Variants in GNG7 observed in about 807,000 individuals in gnomAD.
GNG7 encodes G protein subunit gamma 7.
A neutral mutation model predicts 4.0 loss-of-function variants in GNG7; 1 was observed. That is an observed-to-expected ratio of 0.25 (90% CI 0.09 to 1.18). The LOEUF (loss-of-function observed/expected upper bound fraction) is 1.18, where lower values mean the gene tolerates loss of function less well. Ranked by LOEUF, GNG7 falls within the 50% of genes most tolerant of loss-of-function variation. The probability of loss-of-function intolerance (pLI) is 0.50; values close to 1 mark genes in which losing one functional copy is unlikely to be tolerated. For synonymous variants in GNG7, 34 were observed against 36.9 expected (o/e 0.92, Z 0.29); for missense variants, 86 against 91.9 (o/e 0.94, Z 0.26).
chr19:2,657,360 A>T (rs1983015849), intron 1 of GNG7, among the ~76,000 whole-genome samples: 1 of 20,542 alleles, frequency 4.9e-5, no homozygotes, highest in African/African-American at 1.4e-4. Flanking sequence ...AAAAAAAAAA[A>T]AATATATATA....
At chr19:2,578,325 G>A (rs1172355272) in intron 2 of GNG7, among the ~76,000 whole-genome samples, 2 of 152,150 alleles carry the variant, frequency 1.3e-5, no homozygotes, top group Non-Finnish European at 2.9e-5. Context: ...GAGGACCGAG[G>A]GCAGCCTAGT....
intron 2 of GNG7, among the ~76,000 whole-genome samples, chr19:2,636,530 C>A (rs956956995): frequency 2.6e-5 from 4 of 152,160 alleles, no homozygotes; most frequent in African/African-American, 9.7e-5. Context: ...TTATGCCTTC[C>A]ATTCTCTGGT....
intron 2 of GNG7, among the ~76,000 whole-genome samples, chr19:2,628,844 C>T (rs1025272858): frequency 3.9e-5 from 6 of 152,128 alleles, no homozygotes; most frequent in Admixed American, 1.3e-4. Flanking sequence ...TAGGAATCTT[C>T]GTCGCATCTG....
At chr19:2,645,925 C>T (rs780186191) in intron 2 of GNG7, among the ~76,000 whole-genome samples, 5 of 152,124 alleles carry the variant, frequency 3.3e-5, no homozygotes, top group Non-Finnish European at 5.9e-5. Context: ...ACGAAGACAC[C>T]GGAAAGGCAT....
intron 3 of GNG7, chr19:2,538,258 G>A (rs757062781): frequency 6.6e-6 from 3 of 456,530 alleles, no homozygotes; most frequent in African/African-American, 2.0e-5. Flanking sequence ...AGTGGCCCAG[G>A]TCAGTCTGCT....
At chr19:2,681,690 G>C (rs116563940) in intron 1 of GNG7, among the ~76,000 whole-genome samples, 1,614 of 152,254 alleles carry the variant, frequency 0.011, 31 homozygotes, top group African/African-American at 0.037. Context: ...GAACTGCCAG[G>C]CTGTTTCCAG....
rs1972678987 is a variant in GNG7 at position 2,513,104 on chromosome 19, G to A, written c.*1918C>T. Reference sequence around the variant, plus strand: ...TGGCCTGTGGGAGCTGCCCGAGGTTGAGGAGTGGAGGTCACTCCCCCGACA... The same window carrying A: ...TGGCCTGTGGGAGCTGCCCGAGGTTAAGGAGTGGAGGTCACTCCCCCGACA... On this transcript the variant is annotated 3_prime_UTR_variant, in exon 5 of 5. Transcript: ENST00000382159. 9 of 985,584 alleles carry A rather than the reference G, an allele frequency of 9.1e-6. No individual in the cohort carries two copies. Among genetic ancestry groups the A allele is most frequent in the Non-Finnish European group, 9.6e-6 (8 of 830,060 alleles). 61.1% of individuals were successfully genotyped at this position (985,584 alleles called of 1,614,324 possible). A position where few individuals can be genotyped will look rare whatever the true frequency, so the allele number is the denominator to read the frequency against.
At chr19:2,556,379 G>A (rs1051840942) in intron 2 of GNG7, among the ~76,000 whole-genome samples, 2 of 152,186 alleles carry the variant, frequency 1.3e-5, no homozygotes, top group Non-Finnish European at 2.9e-5. Context: ...GCTCGAGGCC[G>A]GGCTGGGCCG....
intron 2 of GNG7, among the ~76,000 whole-genome samples, chr19:2,561,173 A>G (rs1979730564): frequency 6.6e-6 from 1 of 151,884 alleles, no homozygotes; most frequent in East Asian, 1.9e-4. Flanking sequence ...TGGGACGCAG[A>G]GTCTCTTGGG....
Position 2,512,172 on chromosome 19 carries a change from T to G in GNG7, c.*2850A>C, listed in dbSNP as rs374926917. 4 of 985,836 alleles carry G rather than the reference T, an allele frequency of 4.1e-6. No individual in the cohort carries two copies. The highest frequency in any genetic ancestry group is 4.8e-6 in the Non-Finnish European group (4 of 829,966). 61.1% of individuals were successfully genotyped at this position (985,836 alleles called of 1,614,324 possible). On this transcript the variant is annotated 3_prime_UTR_variant, in exon 5 of 5. Transcript: ENST00000382159. The surrounding 1 kb of genome is among the most constrained non-coding windows in gnomAD (Gnocchi z 4.7). The stretch of plus-strand genomic sequence containing the variant: ...GTCCCCCCAAGGCTAGAGCTGCTGC[T>G]GCCACCCCCGCCCGCCAGCTCCCCG...
intron 4 of GNG7, among the ~76,000 whole-genome samples, chr19:2,516,142 G>C (rs55845057): frequency 2.6e-5 from 4 of 151,628 alleles, no homozygotes; most frequent in African/African-American, 7.3e-5. Flanking sequence ...GCTTGAGCCT[G>C]GGAGGTTAAG....
intron 1 of GNG7, among the ~76,000 whole-genome samples, chr19:2,647,470 CCA>C (rs1486791778): frequency 3.3e-5 from 5 of 152,216 alleles, no homozygotes; most frequent in Non-Finnish European, 1.5e-5. Flanking sequence ...CTGGGACAAA[CCA>C]CAGTCACAAG....
chr19:2,531,770 CAA>C lies in GNG7; in HGVS notation c.-37-11047_-37-11046del, dbSNP rs57772201. 7.8e-3 allele frequency among the ~76,000 whole-genome samples: 1,005 copies of C among 128,294 alleles called. 17 individuals are homozygous for C. Among genetic ancestry groups the C allele is most frequent in the African/African-American group, 0.025 (889 of 35,798 alleles). 84.2% of individuals were successfully genotyped at this position (128,294 alleles called of 152,430 possible). ...TGGGTAACAGAGCGAGACTCCGTCCCAAAAAAAAAAAAAAATGCACAATACAA... is the reference window on the plus strand; with the variant it reads ...TGGGTAACAGAGCGAGACTCCGTCCCAAAAAAAAAAAAATGCACAATACAA... On this transcript the variant is annotated intron_variant, in intron 3 of 4. Coordinates refer to ENST00000382159, the MANE Select transcript of GNG7 (RefSeq NM_052847.3).
rs920915235 is a variant in GNG7 at position 2,634,974 on chromosome 19, C to G, written c.-78+11250G>C. On this transcript the variant is annotated intron_variant, in intron 2 of 4. Transcript: ENST00000382159. This position sits in a 1 kb window ranked among gnomAD's most constrained non-coding sequence, Gnocchi z 5.3. ...GGAGGTCGCAAAGTTCTTCCGCACT[C>G]AGTGAGGCAAGAAGCAAAAAGGCTG... is the stretch of plus-strand genomic sequence containing the variant. 5.9e-5 allele frequency among the ~76,000 whole-genome samples: 9 copies of G among 152,148 alleles called. No homozygotes were observed. The highest frequency in any genetic ancestry group is 2.2e-4 in the African/African-American group (9 of 41,444).
chr19:2,659,964 ATG>A (rs1328990582), intron 1 of GNG7, among the ~76,000 whole-genome samples: 2 of 152,046 alleles, frequency 1.3e-5, no homozygotes, highest in African/African-American at 2.4e-5. Flanking sequence ...TATCATCACA[ATG>A]TAATACCATG....
rs760645830 is a variant in GNG7 at position 2,512,319 on chromosome 19, A to G, written c.*2703T>C. ...ACTCGGGTGCCACGTCTGCAAAGGTATTTTCCACAGTGTGGTCACTGAAGT... is the reference window on the plus strand; with the variant it reads ...ACTCGGGTGCCACGTCTGCAAAGGTGTTTTCCACAGTGTGGTCACTGAAGT... On this transcript the variant is annotated 3_prime_UTR_variant, in exon 5 of 5. Transcript: ENST00000382159. The surrounding 1 kb of genome is among the most constrained non-coding windows in gnomAD (Gnocchi z 4.7). 8.1e-6 allele frequency: 8 copies of G among 985,174 alleles called. No individual in the cohort carries two copies. The highest frequency in any genetic ancestry group is 1.8e-5 in the African/African-American group (1 of 57,048). The allele number at this position is 985,174 out of a possible 1,614,324, so 61.0% of individuals were successfully genotyped here. A position where few individuals can be genotyped will look rare whatever the true frequency, so the allele number is the denominator to read the frequency against.
chr19:2,579,154 A>G (rs1034218677), intron 2 of GNG7, among the ~76,000 whole-genome samples: 20 of 152,222 alleles, frequency 1.3e-4, no homozygotes, highest in South Asian at 6.2e-4. Flanking sequence ...CATCTGCGGG[A>G]TGGGTGCCCC....
intron 2 of GNG7, among the ~76,000 whole-genome samples, chr19:2,602,972 T>C (rs200870668): frequency 6.8e-6 from 1 of 147,936 alleles, no homozygotes; most frequent in Admixed American, 6.6e-5. Context: ...CTTTCTTTCT[T>C]TCTCTCTCTC....
intron 2 of GNG7, among the ~76,000 whole-genome samples, chr19:2,628,565 G>A (rs1424149403): frequency 6.7e-6 from 1 of 149,760 alleles, no homozygotes; most frequent in African/African-American, 2.5e-5. Flanking sequence ...TCTTAACCAC[G>A]TTTATGTGTA....
Sources: allele counts gnomAD v4.1 joint callset (sites outside exome capture counted in the v4.1 genomes callset), GRCh38; gene constraint gnomAD v4.1.1; non-coding constraint Gnocchi (gnomAD v3.1); transcripts MANE v1.5; gene names NCBI Gene and HGNC (gene_info 2026-07-23, HGNC 2026-07-21).